The following KIAA1217 variants were observed in gnomAD, a reference collection of about 807,000 sequenced individuals.
The protein encoded by KIAA1217 is sickle tail protein homolog.
Under a neutral mutation model 163.9 loss-of-function variants are expected in KIAA1217, and 88 were observed. That is an observed-to-expected ratio of 0.54 (90% CI 0.45 to 0.64). The LOEUF is 0.64. Among genes scored for constraint, KIAA1217 ranks in the 30% least tolerant of loss-of-function variants. The probability of loss-of-function intolerance (pLI) is 0.00; values close to 1 mark genes in which losing one functional copy is unlikely to be tolerated. For missense variants in KIAA1217, 2,372 were observed against 2,475.0 expected, an observed-to-expected ratio of 0.96 and a Z score of 0.88; for synonymous variants, 903 against 923.1, an observed-to-expected ratio of 0.98 and a Z score of 0.39.
intron 6 of KIAA1217, among the ~76,000 whole-genome samples, chr10:24,484,242 T>TATATATA (rs34504704): frequency 2.1e-5 from 1 of 48,264 alleles, no homozygotes. Context: ...TATATATATA[T>TATATATA]TTTTTTTTTT....
chr10:23,938,104 C>A (rs2131328556), intron 1 of KIAA1217, among the ~76,000 whole-genome samples: 1 of 152,280 alleles, frequency 6.6e-6, no homozygotes, highest in Admixed American at 6.5e-5. Flanking sequence ...TAACCAGCAT[C>A]TATATGTTGG....
rs1012125050 is a variant in KIAA1217, at chr10:23,726,979, C to CTTTTTT, written c.-321+31766_-321+31771dup. 1.4e-4 allele frequency among the ~76,000 whole-genome samples: 13 copies of CTTTTTT among 93,416 alleles called. 3 individuals are homozygous for CTTTTTT. The highest frequency in any genetic ancestry group is 3.9e-4 in the African/African-American group (8 of 20,686). The allele number at this position is 93,416 out of a possible 152,430, so 61.3% of individuals were successfully genotyped here. A position where few individuals can be genotyped will look rare whatever the true frequency, so the allele number is the denominator to read the frequency against. On this transcript the variant is annotated intron_variant, in intron 1 of 18. Coordinates refer to the KIAA1217 transcript ENST00000376462. ...ATTTCCATGCCATTTGTATAGGCCT[C>CTTTTTT]TTTTTTTTTTTTTTTTTTTTTTTTT...
chr10:24,220,270 A>C lies in KIAA1217; in HGVS notation c.354+361A>C, dbSNP rs1162940799. ...ATCTACTGAGGAAAGCATGGCACCAACTACCGTGTACCCTGAAAGCACGGA... is the reference window on the plus strand; with the variant it reads ...ATCTACTGAGGAAAGCATGGCACCACCTACCGTGTACCCTGAAAGCACGGA... On this transcript the variant is annotated intron_variant, in intron 2 of 20. Transcript: ENST00000376454. Among the ~76,000 whole-genome samples the C allele has an allele frequency of 2.6e-5, 4 of 152,184 alleles. No individual in the cohort carries two copies. The East Asian group carries it at 7.7e-4, about 29-fold the overall frequency.
intron 1 of KIAA1217, among the ~76,000 whole-genome samples, chr10:23,909,547 T>C (rs1842338880): frequency 6.6e-6 from 1 of 151,606 alleles, no homozygotes; most frequent in Non-Finnish European, 1.5e-5. Context: ...AAAAGAAAAA[T>C]GAAAGTCGTA....
At chr10:24,400,404 A>T (rs1050889694) in intron 3 of KIAA1217, among the ~76,000 whole-genome samples, 3 of 152,212 alleles carry the variant, frequency 2.0e-5, no homozygotes, top group Non-Finnish European at 4.4e-5. Flanking sequence ...GCTTGGCAAG[A>T]GGTCCTGCCT....
At chr10:23,978,419 T>A (rs549753587) in intron 1 of KIAA1217, among the ~76,000 whole-genome samples, 1 of 152,168 alleles carries the variant, frequency 6.6e-6, no homozygotes, top group South Asian at 2.1e-4. Context: ...AATGTGTGGG[T>A]GTCTTTTCTG....
intron 2 of KIAA1217, among the ~76,000 whole-genome samples, chr10:24,157,061 C>T (rs547370264): frequency 1.1e-4 from 16 of 152,284 alleles, no homozygotes; most frequent in Admixed American, 7.2e-4. Context: ...ATAGGAAGTA[C>T]GCGTTTCAGT....
intron 1 of KIAA1217, among the ~76,000 whole-genome samples, chr10:23,738,163 T>G (rs1283382129): frequency 1.3e-5 from 2 of 152,206 alleles, no homozygotes; most frequent in Non-Finnish European, 2.9e-5. Context: ...TGGTTAATTT[T>G]AGGACTTGTT....
intron 4 of KIAA1217, among the ~76,000 whole-genome samples, chr10:24,434,746 CAGTTGCT>C (rs1280085130): frequency 6.6e-6 from 1 of 152,220 alleles, no homozygotes; most frequent in Admixed American, 6.5e-5. Context: ...CACAAGCAAT[CAGTTGCT>C]AGTATGGTCT....
Position 24,381,187 on chromosome 10 carries a change from T to C in KIAA1217, c.553+120T>C, listed in dbSNP as rs539386975. On this transcript the variant is annotated intron_variant, in intron 3 of 20. Transcript: ENST00000376454. Reference sequence around the variant, plus strand: ...TGATCTTGATTTGCAAATACTCTAGTACTGGGAAACTTCATTGGTTTAATA... The same window carrying C: ...TGATCTTGATTTGCAAATACTCTAGCACTGGGAAACTTCATTGGTTTAATA... The C allele has an allele frequency of 6.7e-6, 5 of 741,892 alleles. No individual in the cohort carries two copies. In the African/African-American group the frequency reaches 9.1e-5, roughly 13 times the overall value. The allele number at this position is 741,892 out of a possible 1,614,324, so 46.0% of individuals were successfully genotyped here.
intron 1 of KIAA1217, among the ~76,000 whole-genome samples, chr10:23,732,231 T>G (rs1043795599): frequency 6.6e-6 from 1 of 152,070 alleles, no homozygotes; most frequent in African/African-American, 2.4e-5. Context: ...CTTTTGGTTT[T>G]GGGAGATTAA....
At chr10:23,858,459 A>G (rs1445633206) in intron 1 of KIAA1217, among the ~76,000 whole-genome samples, 3 of 151,964 alleles carry the variant, frequency 2.0e-5, no homozygotes, top group Non-Finnish European at 4.4e-5. Flanking sequence ...ACACACAAAC[A>G]TATGTGTGTG....
At chr10:24,500,686 G>A (rs1266250258) in intron 8 of KIAA1217, among the ~76,000 whole-genome samples, 3 of 152,140 alleles carry the variant, frequency 2.0e-5, no homozygotes, top group African/African-American at 7.2e-5. Flanking sequence ...TACATTTGCT[G>A]TGCAGAAAAT....
In KIAA1217 at chr10:24,340,422, C is replaced by A. The variant is rs150618591; in HGVS notation, c.355-40447C>A. Among the ~76,000 whole-genome samples, 540 of 152,320 alleles carry A rather than the reference C, an allele frequency of 3.5e-3. 5 individuals are homozygous for A. The highest frequency in any genetic ancestry group is 0.012 in the African/African-American group (511 of 41,568). On this transcript the variant is annotated intron_variant, in intron 2 of 20. Coordinates refer to ENST00000376454, the MANE Select transcript of KIAA1217 (RefSeq NM_019590.5). Reference sequence around the variant, plus strand: ...TCTCTCTTGCCTGCTGCCACGTAAGCCATGCCTTTCACCTTCCACCATGAT... The same window carrying A: ...TCTCTCTTGCCTGCTGCCACGTAAGACATGCCTTTCACCTTCCACCATGAT...
chr10:23,790,910 T>G (rs1835917151), intron 1 of KIAA1217, among the ~76,000 whole-genome samples: 2 of 151,886 alleles, frequency 1.3e-5, no homozygotes, highest in Non-Finnish European at 2.9e-5. Flanking sequence ...AATTTATATA[T>G]TTTTTTGTAG....
In KIAA1217 at chr10:23,905,003, AGT is replaced by A. The variant is rs1351174958; in HGVS notation, c.-320-102217_-320-102216del. ...CATCATGATGGAGTCGATTGCTGAG[AGT>A]GTGTTTGTTTTTAGAAGCAGAGGTC... On this transcript the variant is annotated intron_variant, in intron 1 of 18. Coordinates refer to the KIAA1217 transcript ENST00000376462. 3.7e-5 allele frequency among the ~76,000 whole-genome samples: 5 copies of A among 136,366 alleles called. No individual in the cohort carries two copies. The South Asian group carries it at 1.0e-3, about 29-fold the overall frequency. The allele number at this position is 136,366 out of a possible 152,430, so 89.5% of individuals were successfully genotyped here. A position where few individuals can be genotyped will look rare whatever the true frequency, so the allele number is the denominator to read the frequency against.
At chr10:23,791,373 C>T (rs1309891151) in intron 1 of KIAA1217, among the ~76,000 whole-genome samples, 4 of 152,120 alleles carry the variant, frequency 2.6e-5, no homozygotes, top group African/African-American at 9.7e-5. Flanking sequence ...ACTCACTTCC[C>T]TCTTGTCTCA....
chr10:24,455,206 A>G (rs1432776510), intron 5 of KIAA1217, among the ~76,000 whole-genome samples: 1 of 152,362 alleles, frequency 6.6e-6, no homozygotes, highest in Non-Finnish European at 1.5e-5. Flanking sequence ...ACTAGAGCAC[A>G]AAAAATGAGT....
chr10:24,190,344 A>T (rs1485218039), intron 2 of KIAA1217, among the ~76,000 whole-genome samples: 1 of 152,208 alleles, frequency 6.6e-6, no homozygotes, highest in Admixed American at 6.5e-5. Context: ...ATAGTAAAAC[A>T]GCAAAGCAGG....
Sources: gnomAD v4.1 joint callset for allele counts (sites outside exome capture counted in the v4.1 genomes callset) on GRCh38, gnomAD v4.1.1 for gene constraint, MANE v1.5 for transcripts, NCBI Gene and HGNC (gene_info 2026-07-23, HGNC 2026-07-21) for gene names.